The following SLC37A1 variants were observed in gnomAD, a reference collection of about 807,000 sequenced individuals.
The protein encoded by SLC37A1 is glucose-6-phosphate exchanger SLC37A1.
Under a neutral mutation model 75.3 loss-of-function variants are expected in SLC37A1, and 49 were observed. That is an observed-to-expected ratio of 0.65 (90% CI 0.52 to 0.83). SLC37A1 has a LOEUF of 0.83. Among genes scored for constraint, SLC37A1 ranks in the 40% least tolerant of loss-of-function variants. The probability of loss-of-function intolerance (pLI) is 0.00; values close to 1 mark genes in which losing one functional copy is unlikely to be tolerated. For synonymous variants in SLC37A1, 268 were observed against 292.1 expected, an observed-to-expected ratio of 0.92 and a Z score of 0.84; for missense variants, 566 against 695.0, an observed-to-expected ratio of 0.81 and a Z score of 2.09.
chr21:42,536,074 G>C (rs116408779), intron 5 of SLC37A1, among the ~76,000 whole-genome samples: 118 of 152,304 alleles, frequency 7.7e-4, no homozygotes, highest in African/African-American at 2.7e-3. Context: ...CATGGCGGGT[G>C]GGGAACTCCA....
intron 2 of SLC37A1, among the ~76,000 whole-genome samples, chr21:42,507,579 A>G (rs1354887056): frequency 3.3e-5 from 5 of 152,220 alleles, no homozygotes; most frequent in Non-Finnish European, 7.3e-5. Flanking sequence ...AGGCTGGGTA[A>G]TTTATAAAGA....
upstream of SLC37A1, among the ~76,000 whole-genome samples, chr21:42,511,509 G>A (rs2054432253): frequency 6.6e-6 from 1 of 152,192 alleles, no homozygotes; most frequent in Admixed American, 6.5e-5. Flanking sequence ...ATATAGGCCA[G>A]GCATGGTAGC....
intron 16 of SLC37A1, 113 bp from the exon 17 acceptor site, chr21:42,568,247 A>G (rs2056030725): frequency 3.7e-6 from 3 of 805,654 alleles, no homozygotes; most frequent in African/African-American, 1.7e-5. Flanking sequence ...AATGGGAAAC[A>G]CCCTCACGAT....
At position 42,566,865 on chromosome 21, in the gene SLC37A1, G is replaced by A. The variant is rs544725834; in HGVS notation, c.1271-120G>A. The stretch of plus-strand genomic sequence containing the variant: ...AGCTCCTCACTAGACAAGTTTAGAG[G>A]AAGCTGTTTCTGCTGCATCCCCTCC... On this transcript the variant is annotated intron_variant, in intron 15 of 19. Transcript: ENST00000352133. The A allele has an allele frequency of 3.3e-5, 32 of 955,482 alleles. No individual in the cohort carries two copies. In the South Asian group the frequency reaches 4.4e-4, roughly 13 times the overall value. The allele number at this position is 955,482 out of a possible 1,614,324, so 59.2% of individuals were successfully genotyped here. A position where few individuals can be genotyped will look rare whatever the true frequency, so the allele number is the denominator to read the frequency against.
chr21:42,567,899 T>C (rs2056020486), intron 16 of SLC37A1, among the ~76,000 whole-genome samples: 1 of 152,126 alleles, frequency 6.6e-6, no homozygotes, highest in South Asian at 2.1e-4. Context: ...CCCTGGCGTT[T>C]GCTATTGATC....
chr21:42,558,855 G>T, intron 10 of SLC37A1, 103 bp from the exon 11 acceptor site: 1 of 1,467,198 alleles, frequency 6.8e-7, no homozygotes, highest in South Asian at 1.2e-5. Flanking sequence ...GTGGAAGAGA[G>T]AGCCGCCAGG....
intron 3 of SLC37A1, among the ~76,000 whole-genome samples, chr21:42,533,437 A>C (rs968088483): frequency 1.4e-4 from 21 of 152,152 alleles, no homozygotes; most frequent in Non-Finnish European, 2.6e-4. Context: ...GGAGGGACAC[A>C]CAGTCACAGA....
chr21:42,554,760 G>A (rs1367842647), intron 10 of SLC37A1, among the ~76,000 whole-genome samples: 4 of 152,162 alleles, frequency 2.6e-5, no homozygotes, highest in Admixed American at 6.5e-5. Flanking sequence ...CTTGTCATCC[G>A]CGGTAGCAGG....
chr21:42,543,762 C>T (rs1286070595), intron 8 of SLC37A1, among the ~76,000 whole-genome samples, 160 bp downstream of exon 8: 2 of 152,232 alleles, frequency 1.3e-5, no homozygotes, highest in Non-Finnish European at 2.9e-5. Context: ...CCCCGGGGAG[C>T]CGGTTCTCTC....
chr21:42,540,145 G>A (rs1242873638), intron 6 of SLC37A1, among the ~76,000 whole-genome samples: 5 of 152,228 alleles, frequency 3.3e-5, no homozygotes, highest in Admixed American at 3.3e-4. Context: ...TCAATTTAAA[G>A]CATGTATTAG....
intron 8 of SLC37A1, among the ~76,000 whole-genome samples, chr21:42,543,809 G>A (rs2055343287): frequency 6.6e-6 from 1 of 152,184 alleles, no homozygotes; most frequent in Non-Finnish European, 1.5e-5. Context: ...CCCTGATTCT[G>A]GAGTGACCCA....
Position 42,547,256 on chromosome 21 carries a change from C to A in SLC37A1, c.768+116C>A. ...AAACACACAGGGTAGACAGAAGTCC[C>A]ACCCTCAAAACATTGGCAGTTCTAG... is the stretch of plus-strand genomic sequence containing the variant. On this transcript the variant is annotated intron_variant, in intron 9 of 19. Transcript: ENST00000352133. This position sits in a 1 kb window ranked among gnomAD's most constrained non-coding sequence, Gnocchi z 6.1. 1 of 1,134,142 alleles carries A rather than the reference C, an allele frequency of 8.8e-7. No individual in the cohort carries two copies. Among genetic ancestry groups the A allele is most frequent in the Middle Eastern group, 2.0e-4 (1 of 5,028 alleles). The allele number at this position is 1,134,142 out of a possible 1,614,324, so 70.3% of individuals were successfully genotyped here.
chr21:42,548,363 A>G lies in SLC37A1; in HGVS notation c.768+1223A>G, dbSNP rs1037467019. On this transcript the variant is annotated intron_variant, in intron 9 of 19. Coordinates refer to ENST00000352133, the MANE Select transcript of SLC37A1 (RefSeq NM_001320537.2). This position sits in a 1 kb window ranked among gnomAD's most constrained non-coding sequence, Gnocchi z 5.6. The stretch of plus-strand genomic sequence containing the variant: ...CGACTGGAGGAGATCTCTTGATTTT[A>G]CCCCTGCACAAGCCGATCCCCCAGC... Among the ~76,000 whole-genome samples, 1 of 151,682 alleles carries G rather than the reference A, an allele frequency of 6.6e-6. No homozygotes were observed. Among genetic ancestry groups the G allele is most frequent in the South Asian group, 2.1e-4 (1 of 4,796 alleles).
intron 2 of SLC37A1, among the ~76,000 whole-genome samples, chr21:42,519,914 G>C (rs1036577766): frequency 6.6e-6 from 1 of 152,088 alleles, no homozygotes; most frequent in African/African-American, 2.4e-5. Flanking sequence ...GTATGTCAAA[G>C]ATTAACATTT....
chr21:42,571,666 T>C (rs2056169185), intron 17 of SLC37A1, among the ~76,000 whole-genome samples: 2 of 151,962 alleles, frequency 1.3e-5, no homozygotes, highest in South Asian at 4.1e-4. Flanking sequence ...CCTGGCTCCC[T>C]TCCACCCCGA....
At chr21:42,521,561 C>T (rs2054650342) in intron 2 of SLC37A1, among the ~76,000 whole-genome samples, 2 of 152,244 alleles carry the variant, frequency 1.3e-5, no homozygotes, top group African/African-American at 4.8e-5. Context: ...TCACCCTAAG[C>T]AGGCTGCCAT....
chr21:42,512,508 T>C (rs2054446749), upstream of SLC37A1, among the ~76,000 whole-genome samples: 1 of 152,032 alleles, frequency 6.6e-6, no homozygotes, highest in African/African-American at 2.4e-5. Flanking sequence ...GGGCCAGGGC[T>C]GGGGAGACCA....
intron 7 of SLC37A1, 123 bp downstream of exon 7, chr21:42,542,603 AC>A: frequency 2.2e-6 from 2 of 921,590 alleles, no homozygotes; most frequent in Non-Finnish European, 3.3e-6. Context: ...GATGGCTGAA[AC>A]CTCTGGGGCT....
intron 6 of SLC37A1, among the ~76,000 whole-genome samples, chr21:42,541,406 A>G (rs995276308): frequency 6.6e-6 from 1 of 152,024 alleles, no homozygotes; most frequent in African/African-American, 2.4e-5. Flanking sequence ...CCTGCTCTAG[A>G]GAGCTGGCTT....
Sources: gnomAD v4.1 joint callset for allele counts (sites outside exome capture counted in the v4.1 genomes callset) on GRCh38, gnomAD v4.1.1 for gene constraint, Gnocchi (gnomAD v3.1) non-coding constraint, MANE v1.5 for transcripts, NCBI Gene and HGNC (gene_info 2026-07-23, HGNC 2026-07-21) for gene names.